CNTN5: variants seen among roughly 807,000 people sequenced by gnomAD.
CNTN5 encodes contactin-5.
Under a neutral mutation model 129.1 loss-of-function variants are expected in CNTN5, and 77 were observed. That is an observed-to-expected ratio of 0.60 (90% CI 0.50 to 0.72). The LOEUF is 0.72. Ranked by LOEUF, CNTN5 falls within the 30% of genes least tolerant of loss-of-function variation. The pLI is 0.00. For synonymous variants in CNTN5, 509 were observed against 465.6 expected (o/e 1.09, Z -1.20); for missense variants, 1,478 against 1,328.8 (o/e 1.11, Z -1.75).
chr11:100,034,099 T>A (rs76442440), intron 9 of CNTN5, among the ~76,000 whole-genome samples: 2 of 152,360 alleles, frequency 1.3e-5, no homozygotes, highest in East Asian at 3.9e-4. Flanking sequence ...TACTGGCTCT[T>A]TCTCATTTGC....
rs377398632 is a variant in CNTN5, at chr11:99,530,734, G to A, written c.-70-25411G>A. Among the ~76,000 whole-genome samples the A allele has an allele frequency of 1.3e-4, 20 of 152,146 alleles. No homozygotes were observed. In the East Asian group the frequency reaches 3.7e-3, roughly 28 times the overall value. ...ATGCTATTCTTGTGATAGTGAATACGTCTCATGAGATCTGATAGGTTTATC... is the reference window on the plus strand; with the variant it reads ...ATGCTATTCTTGTGATAGTGAATACATCTCATGAGATCTGATAGGTTTATC... On this transcript the variant is annotated intron_variant, in intron 2 of 24. Transcript: ENST00000524871.
intron 1 of CNTN5, among the ~76,000 whole-genome samples, chr11:99,116,983 A>G (rs189969547): frequency 6.6e-6 from 1 of 152,206 alleles, no homozygotes; most frequent in Non-Finnish European, 1.5e-5. Context: ...GAAATGTGAT[A>G]TACTATATGG....
At chr11:99,685,296 G>A (rs994426661) in intron 3 of CNTN5, among the ~76,000 whole-genome samples, 38 of 151,742 alleles carry the variant, frequency 2.5e-4, no homozygotes, top group Non-Finnish European at 2.2e-4. Context: ...GAAAATTTTA[G>A]TAAATAATGT....
chr11:99,342,954 A>C (rs1357971803), intron 2 of CNTN5, among the ~76,000 whole-genome samples: 1 of 152,170 alleles, frequency 6.6e-6, no homozygotes, highest in Non-Finnish European at 1.5e-5. Context: ...AAAAAAACTG[A>C]GATATACAAA....
intron 2 of CNTN5, among the ~76,000 whole-genome samples, chr11:99,433,932 C>G (rs995945965): frequency 6.6e-6 from 1 of 151,972 alleles, no homozygotes; most frequent in Admixed American, 6.6e-5. Context: ...TTTTACAGAG[C>G]TAAAAGAAAT....
intron 9 of CNTN5, among the ~76,000 whole-genome samples, chr11:100,013,179 C>T (rs76816327): frequency 0.011 from 1,717 of 152,072 alleles, 31 homozygotes; most frequent in African/African-American, 0.039. Flanking sequence ...TCAATGGAGA[C>T]TCAGAAGTGT....
chr11:100,199,339 C>A (rs1379255763), intron 15 of CNTN5, among the ~76,000 whole-genome samples: 2 of 151,898 alleles, frequency 1.3e-5, no homozygotes, highest in Non-Finnish European at 2.9e-5. Context: ...CCTATCCTTT[C>A]TCATCAGTTC....
intron 1 of CNTN5, among the ~76,000 whole-genome samples, chr11:99,100,283 A>G (rs968473198): frequency 9.9e-5 from 15 of 152,214 alleles, no homozygotes; most frequent in African/African-American, 3.6e-4. Context: ...AAAACAATAG[A>G]TAAGAAATAA....
chr11:100,056,354 GC>G (rs1943221831), intron 9 of CNTN5, among the ~76,000 whole-genome samples: 1 of 151,338 alleles, frequency 6.6e-6, no homozygotes, highest in Non-Finnish European at 1.5e-5. Context: ...ACCAAATATA[GC>G]TTTTAAGTCA....
At chr11:99,692,737 T>C (rs1290412436) in intron 3 of CNTN5, among the ~76,000 whole-genome samples, 1 of 152,104 alleles carries the variant, frequency 6.6e-6, no homozygotes, top group Non-Finnish European at 1.5e-5. Flanking sequence ...TTTTCATAAT[T>C]CACAAAACAA....
intron 18 of CNTN5, among the ~76,000 whole-genome samples, chr11:100,291,108 A>G (rs1483314905): frequency 1.3e-5 from 2 of 148,936 alleles, no homozygotes; most frequent in South Asian, 2.2e-4. Flanking sequence ...TCAGGAAACA[A>G]CAGGTGCTGG....
At position 100,357,275 on chromosome 11, in the gene CNTN5, T is replaced by C. The variant is rs1455377789; in HGVS notation, c.*1055T>C. The C allele has an allele frequency of 6.6e-6, 1 of 151,832 alleles. No individual in the cohort carries two copies. The highest frequency in any genetic ancestry group is 2.4e-5 in the African/African-American group (1 of 41,432). The allele number at this position is 151,832 out of a possible 1,614,324, so 9.4% of individuals were successfully genotyped here. On this transcript the variant is annotated 3_prime_UTR_variant, in exon 25 of 25. Transcript: ENST00000524871. ...AGTTCCATGCATCACATACCACTGA[T>C]AAAATCAACTAGTAAAATAAAGACA...
intron 1 of CNTN5, among the ~76,000 whole-genome samples, chr11:99,154,589 A>G (rs1860242490): frequency 6.6e-6 from 1 of 152,160 alleles, no homozygotes; most frequent in Non-Finnish European, 1.5e-5. Flanking sequence ...AGTGCCTACC[A>G]ACAAAGCTGT....
chr11:99,395,503 C>G (rs1042715791), intron 2 of CNTN5, among the ~76,000 whole-genome samples: 3 of 151,802 alleles, frequency 2.0e-5, no homozygotes, highest in Admixed American at 2.0e-4. Context: ...TCTGTTTATT[C>G]TGTTGATAGT....
rs541738890 is a variant in CNTN5, at chr11:99,827,745, A to T, written c.277+7980A>T. Among the ~76,000 whole-genome samples the T allele has an allele frequency of 1.2e-4, 18 of 152,332 alleles. No homozygotes were observed. The South Asian group carries it at 3.7e-3, about 32-fold the overall frequency. The stretch of plus-strand genomic sequence containing the variant: ...AGATTGGCTCTAAAAAGTAGCTTGA[A>T]TGGCTCCTTTATACAATTACTTTAC... On this transcript the variant is annotated intron_variant, in intron 4 of 24. Transcript: ENST00000524871.
intron 13 of CNTN5, among the ~76,000 whole-genome samples, chr11:100,113,417 CAAAAAAAAAAAAAAAAAAAAA>C (rs555286793): frequency 1.8e-4 from 3 of 16,774 alleles, no homozygotes; most frequent in Non-Finnish European, 3.4e-4. Context: ...GATGCCATGC[CAAAAAAAAAAAAAAAAAAAAA>C]AAAAAAAAAA....
chr11:99,335,409 A>C (rs1866179018), intron 2 of CNTN5, among the ~76,000 whole-genome samples: 1 of 152,042 alleles, frequency 6.6e-6, no homozygotes, highest in East Asian at 1.9e-4. Context: ...CATTTTTTAT[A>C]ATAAAATTGC....
chr11:100,163,561 C>T (rs1047847837), intron 13 of CNTN5, among the ~76,000 whole-genome samples: 5 of 151,790 alleles, frequency 3.3e-5, no homozygotes, highest in South Asian at 2.1e-4. Context: ...TATACAACTT[C>T]CTACATTATT....
At chr11:99,183,287 T>C (rs887584254) in intron 1 of CNTN5, among the ~76,000 whole-genome samples, 7 of 152,150 alleles carry the variant, frequency 4.6e-5, no homozygotes, top group Non-Finnish European at 1.0e-4. Flanking sequence ...TTTAAAAGAA[T>C]ACATGAAACT....
Sources: gnomAD v4.1 joint callset for allele counts (sites outside exome capture counted in the v4.1 genomes callset) on GRCh38, gnomAD v4.1.1 for gene constraint, MANE v1.5 for transcripts, NCBI Gene and HGNC (gene_info 2026-07-23, HGNC 2026-07-21) for gene names.